Variants in AGPAT5 observed in about 807,000 individuals in gnomAD.
The protein encoded by AGPAT5 is 1-acyl-sn-glycerol-3-phosphate acyltransferase epsilon.
Under a neutral mutation model 45.6 loss-of-function variants are expected in AGPAT5, and 46 were observed. That is an observed-to-expected ratio of 1.01 (90% confidence interval 0.80 to 1.29). The LOEUF (loss-of-function observed/expected upper bound fraction) is 1.29. Among genes scored for constraint, AGPAT5 ranks in the 50% most tolerant of loss-of-function variants. The pLI is 0.00. For missense variants in AGPAT5, 673 were observed against 450.7 expected, an observed-to-expected ratio of 1.49 and a Z score of -4.47; for synonymous variants, 272 against 167.0, an observed-to-expected ratio of 1.63 and a Z score of -4.85.
intron 7 of AGPAT5, among the ~76,000 whole-genome samples, chr8:6,756,575 G>T (rs898693019): frequency 7.5e-5 from 11 of 146,678 alleles, no homozygotes; most frequent in African/African-American, 2.8e-4. Context: ...CTATCATTGT[G>T]CCAACTCCAG....
chr8:6,741,737 T>G lies in AGPAT5; in HGVS notation c.572T>G (p.Phe191Cys). 1 of 1,612,036 alleles carries G rather than the reference T, an allele frequency of 6.2e-7. No individual in the cohort carries two copies. The highest frequency in any genetic ancestry group is 1.1e-5 in the South Asian group (1 of 90,740). ...AAAGTCCTTTCAGCTAGTCAGGCAT[T>G]TGCTGCCCAACGTGGTAAGTAAAAA... ...QTKVLSASQA[F>C]AAQRGLAVLK... Residue 191 changes from phenylalanine (F) to cysteine (C), a missense_variant, in exon 5 of 8, where the codon TTT becomes TGT. Transcript: ENST00000285518.
In AGPAT5 at chr8:6,731,745, T is replaced by C. The variant is rs550763623; in HGVS notation, c.406-816T>C. Among the ~76,000 whole-genome samples, 4 of 151,256 alleles carry C rather than the reference T, an allele frequency of 2.6e-5. No homozygotes were observed. In the South Asian group the frequency reaches 6.2e-4, roughly 24 times the overall value. On this transcript the variant is annotated intron_variant, in intron 3 of 7. Coordinates refer to ENST00000285518, the MANE Select transcript of AGPAT5 (RefSeq NM_018361.5). The stretch of plus-strand genomic sequence containing the variant: ...ACAGTAATTAGTGATCTGTATGATA[T>C]TAAAAAAAAAAAGCAAACTGTATAT...
intron 1 of AGPAT5, among the ~76,000 whole-genome samples, chr8:6,718,797 T>C (rs1302778778): frequency 6.6e-6 from 1 of 152,214 alleles, no homozygotes; most frequent in East Asian, 1.9e-4. Flanking sequence ...CAGGTTATTC[T>C]TTCATTCCTG....
At chr8:6,710,752 A>G (rs960958181) in intron 1 of AGPAT5, among the ~76,000 whole-genome samples, 2 of 152,216 alleles carry the variant, frequency 1.3e-5, no homozygotes, top group African/African-American at 4.8e-5. Flanking sequence ...AAATCAATAG[A>G]GGAATAAATA....
At chr8:6,721,304 A>G (rs1438051972) in intron 1 of AGPAT5, among the ~76,000 whole-genome samples, 1 of 152,252 alleles carries the variant, frequency 6.6e-6, no homozygotes, top group Non-Finnish European at 1.5e-5. Context: ...ATATGTAATC[A>G]TATTGAAATT....
chr8:6,720,869 T>G (rs568609216), intron 1 of AGPAT5, among the ~76,000 whole-genome samples: 2 of 152,222 alleles, frequency 1.3e-5, no homozygotes, highest in East Asian at 3.8e-4. Flanking sequence ...ATTGATCTCA[T>G]TGAATGCAGT....
intron 1 of AGPAT5, among the ~76,000 whole-genome samples, chr8:6,713,185 G>A (rs1362474382): frequency 6.6e-6 from 1 of 152,158 alleles, no homozygotes; most frequent in African/African-American, 2.4e-5. Context: ...GCCCAGGCTG[G>A]TCTTGAATTC....
At chr8:6,754,725 G>C (rs570552213) in intron 6 of AGPAT5, among the ~76,000 whole-genome samples, 60 of 152,226 alleles carry the variant, frequency 3.9e-4, no homozygotes, top group African/African-American at 1.4e-3. Context: ...ACTTAGAGGA[G>C]GCTCCAGCTT....
At chr8:6,744,667 G>A (rs998993866) in intron 5 of AGPAT5, among the ~76,000 whole-genome samples, 1 of 152,072 alleles carries the variant, frequency 6.6e-6, no homozygotes, top group African/African-American at 2.4e-5. Context: ...GCACTGGCTC[G>A]CCCACACCAT....
chr8:6,719,738 G>C (rs1356341613), intron 1 of AGPAT5, among the ~76,000 whole-genome samples: 1 of 152,160 alleles, frequency 6.6e-6, no homozygotes, highest in Non-Finnish European at 1.5e-5. Flanking sequence ...ACAAGATCTG[G>C]AAGATCATAT....
intron 1 of AGPAT5, among the ~76,000 whole-genome samples, chr8:6,724,054 A>G (rs892035901): frequency 6.6e-6 from 1 of 152,184 alleles, no homozygotes; most frequent in African/African-American, 2.4e-5. Flanking sequence ...TTCTTGAAAA[A>G]TTTATTCTAA....
In AGPAT5 at chr8:6,708,827, G is replaced by T. The variant is rs763014813; in HGVS notation, c.159G>T (p.Arg53=). 6.2e-7 allele frequency: 1 copy of T among 1,611,708 alleles called. No individual in the cohort carries two copies. Among genetic ancestry groups the T allele is most frequent in the South Asian group, 1.1e-5 (1 of 91,010 alleles). The change falls in exon 1 of 8, where the codon CGG becomes CGT. Residue 53 remains arginine (R), a synonymous_variant. Coordinates refer to ENST00000285518, the MANE Select transcript of AGPAT5 (RefSeq NM_018361.5). ...PARFYQALDD[R]LYCVYQSMVL... ...GCTTCTACCAAGCGCTGGACGACCGGCTCTACTGCGTCTACCAGAGCATGG... is the reference window on the plus strand; with the variant it reads ...GCTTCTACCAAGCGCTGGACGACCGTCTCTACTGCGTCTACCAGAGCATGG...
intron 5 of AGPAT5, among the ~76,000 whole-genome samples, chr8:6,746,688 C>G (rs920541381): frequency 6.6e-6 from 1 of 152,178 alleles, no homozygotes; most frequent in Non-Finnish European, 1.5e-5. Context: ...CCACACCACC[C>G]TGCATTTTAA....
intron 4 of AGPAT5, among the ~76,000 whole-genome samples, chr8:6,739,496 C>G (rs745737665): frequency 1.3e-5 from 2 of 152,044 alleles, no homozygotes; most frequent in Non-Finnish European, 2.9e-5. Flanking sequence ...ATTTGCACAT[C>G]TTTTGCCAGA....
intron 6 of AGPAT5, among the ~76,000 whole-genome samples, chr8:6,752,767 C>G (rs2936505): frequency 0.81 from 123,164 of 152,262 alleles, 50,572 homozygotes; most frequent in African/African-American, 0.94. Flanking sequence ...CATGAACTAT[C>G]CTTCAACTAA....
rs1351269517 is a variant in AGPAT5, at chr8:6,759,925, G to A, written c.*2537G>A. On this transcript the variant is annotated 3_prime_UTR_variant, in exon 8 of 8. Transcript: ENST00000285518. ...TCTGTAATCATTAAGTGATCTCAGT[G>A]AAACATGTCAAATGCCTTAAATTAA... Among the ~76,000 whole-genome samples, 1 of 152,168 alleles carries A rather than the reference G, an allele frequency of 6.6e-6. No homozygotes were observed. The highest frequency in any genetic ancestry group is 1.5e-5 in the Non-Finnish European group (1 of 68,032).
chr8:6,732,707 A>G lies in AGPAT5; in HGVS notation c.495+57A>G, dbSNP rs2116903023. ...CAGCTCTCAGTTTCTAAATTTAAGAATTAAATTAAAATCTAAGAATTGTTT... is the reference window on the plus strand; with the variant it reads ...CAGCTCTCAGTTTCTAAATTTAAGAGTTAAATTAAAATCTAAGAATTGTTT... On this transcript the variant is annotated intron_variant, in intron 4 of 7. Transcript: ENST00000285518. The G allele has an allele frequency of 4.5e-6, 6 of 1,343,890 alleles. No homozygotes were observed. The East Asian group carries it at 1.0e-4, about 22-fold the overall frequency. The allele number at this position is 1,343,890 out of a possible 1,614,324, so 83.2% of individuals were successfully genotyped here. A position where few individuals can be genotyped will look rare whatever the true frequency, so the allele number is the denominator to read the frequency against.
chr8:6,736,636 G>C (rs981623558), intron 4 of AGPAT5, among the ~76,000 whole-genome samples: 2 of 152,248 alleles, frequency 1.3e-5, no homozygotes, highest in African/African-American at 4.8e-5. Flanking sequence ...TCAGGTGGGA[G>C]TGTCTTTCTC....
Position 6,757,444 on chromosome 8 carries a change from G to A in AGPAT5, c.*56G>A, listed in dbSNP as rs1240184677. The stretch of plus-strand genomic sequence containing the variant: ...GCTACATTGTCTATTTTTGGCGGCT[G>A]CACATGACATCAAATTGTTTCCTGA... On this transcript the variant is annotated 3_prime_UTR_variant, in exon 8 of 8. Coordinates refer to ENST00000285518, the MANE Select transcript of AGPAT5 (RefSeq NM_018361.5). 8 of 1,334,024 alleles carry A rather than the reference G, an allele frequency of 6.0e-6. No homozygotes were observed. In the Admixed American group the frequency reaches 7.2e-5, roughly 12 times the overall value. The allele number at this position is 1,334,024 out of a possible 1,614,324, so 82.6% of individuals were successfully genotyped here. A position where few individuals can be genotyped will look rare whatever the true frequency, so the allele number is the denominator to read the frequency against.
Sources: allele counts gnomAD v4.1 joint callset (sites outside exome capture counted in the v4.1 genomes callset), GRCh38; gene constraint gnomAD v4.1.1; transcripts MANE v1.5; gene names NCBI Gene and HGNC (gene_info 2026-07-23, HGNC 2026-07-21).